The following SLC9A2 variants were observed in gnomAD, a reference collection of about 807,000 sequenced individuals.
SLC9A2 encodes sodium/hydrogen exchanger 2.
SLC9A2 carries 42 observed loss-of-function variants against 71.7 expected under a neutral mutation model. The ratio of observed to expected loss-of-function variants is 0.59; its 90% CI spans 0.46 to 0.76. The LOEUF (loss-of-function observed/expected upper bound fraction) is 0.76, where lower values mean the gene tolerates loss of function less well. SLC9A2 is among the 30% of genes least tolerant of loss of function. The probability of loss-of-function intolerance (pLI) is 0.00; values close to 1 mark genes in which losing one functional copy is unlikely to be tolerated. For missense variants in SLC9A2, 829 were observed against 1,017.4 expected (o/e 0.81, Z 2.52); for synonymous variants, 396 against 392.5 (o/e 1.01, Z -0.10).
intron 1 of SLC9A2, among the ~76,000 whole-genome samples, chr2:102,623,146 A>G (rs943487913): frequency 6.6e-6 from 1 of 152,118 alleles, no homozygotes; most frequent in South Asian, 2.1e-4. Flanking sequence ...GTGCTTGGCT[A>G]TGGAAATCAT....
At chr2:102,637,532 C>T (rs1301754560) in intron 1 of SLC9A2, among the ~76,000 whole-genome samples, 2 of 152,162 alleles carry the variant, frequency 1.3e-5, no homozygotes, top group Non-Finnish European at 2.9e-5. Context: ...GGGCATGAGT[C>T]AAATCCTGCG....
intron 6 of SLC9A2, 58 bp downstream of exon 6, chr2:102,694,561 CA>C: frequency 1.2e-6 from 1 of 824,906 alleles, no homozygotes; most frequent in Non-Finnish European, 1.9e-6. Context: ...TTGAATCAGT[CA>C]AACAGCTTGG....
At chr2:102,633,355 A>T (rs1176087237) in intron 1 of SLC9A2, among the ~76,000 whole-genome samples, 1 of 152,142 alleles carries the variant, frequency 6.6e-6, no homozygotes, top group African/African-American at 2.4e-5. Flanking sequence ...TCTCACGGGA[A>T]AGGATATTAA....
At chr2:102,691,752 G>A (rs572478435) in intron 5 of SLC9A2, among the ~76,000 whole-genome samples, 41 of 152,310 alleles carry the variant, frequency 2.7e-4, no homozygotes, top group South Asian at 1.0e-3. Context: ...GGGGTGGTAG[G>A]CCACACTTGC....
chr2:102,695,792 T>TATA (rs1558723255), intron 7 of SLC9A2, among the ~76,000 whole-genome samples: 4 of 39,878 alleles, frequency 1.0e-4, no homozygotes, highest in Non-Finnish European at 1.6e-4. Context: ...ATATATATTA[T>TATA]ATATATATTA....
intron 1 of SLC9A2, among the ~76,000 whole-genome samples, chr2:102,654,599 T>C (rs765148674): frequency 1.4e-4 from 22 of 152,346 alleles, no homozygotes; most frequent in Middle Eastern, 3.4e-3. Flanking sequence ...TCTTAAGGAT[T>C]TACTTACTAA....
intron 1 of SLC9A2, among the ~76,000 whole-genome samples, chr2:102,633,821 A>G (rs1358853425): frequency 1.3e-5 from 2 of 152,242 alleles, no homozygotes; most frequent in African/African-American, 4.8e-5. Flanking sequence ...TTCAACCCAT[A>G]TAACTTAAGC....
Position 102,654,409 on chromosome 2 carries a change from C to T in SLC9A2, c.290-3155C>T, listed in dbSNP as rs376139563. Among the ~76,000 whole-genome samples, 12 of 151,932 alleles carry T rather than the reference C, an allele frequency of 7.9e-5. No homozygotes were observed. In the South Asian group the frequency reaches 2.5e-3, roughly 32 times the overall value. On this transcript the variant is annotated intron_variant, in intron 1 of 11. Transcript: ENST00000233969. Reference sequence around the variant, plus strand: ...CTGCACCCATTGAATACATTTAGTCCCCACAAATTATTGGAGCCTTTTGTA... The same window carrying T: ...CTGCACCCATTGAATACATTTAGTCTCCACAAATTATTGGAGCCTTTTGTA...
At chr2:102,680,067 C>A (rs1390902902) in intron 3 of SLC9A2, among the ~76,000 whole-genome samples, 1 of 145,476 alleles carries the variant, frequency 6.9e-6, no homozygotes, top group Non-Finnish European at 1.6e-5. Context: ...ATAATAAAAC[C>A]CTTTTGAAGT....
At chr2:102,627,241 A>G (rs961570329) in intron 1 of SLC9A2, among the ~76,000 whole-genome samples, 2 of 152,168 alleles carry the variant, frequency 1.3e-5, no homozygotes, top group Non-Finnish European at 2.9e-5. Context: ...TGAGCTCAGG[A>G]GTTCAAAGTT....
At chr2:102,648,691 A>G (rs563172307) in intron 1 of SLC9A2, among the ~76,000 whole-genome samples, 7 of 152,128 alleles carry the variant, frequency 4.6e-5, no homozygotes, top group Non-Finnish European at 8.8e-5. Context: ...CTATACACCA[A>G]TAATAGACAG....
In SLC9A2 at chr2:102,682,779, G is replaced by C. The variant is rs540456355; in HGVS notation, c.1005-482G>C. Among the ~76,000 whole-genome samples the C allele has an allele frequency of 2.6e-5, 4 of 152,242 alleles. No individual in the cohort carries two copies. In the South Asian group the frequency reaches 8.3e-4, roughly 32 times the overall value. On this transcript the variant is annotated intron_variant, in intron 3 of 11. Coordinates refer to ENST00000233969, the MANE Select transcript of SLC9A2 (RefSeq NM_003048.6). ...GTTGTTGACCAATTATATGGCAGGG[G>C]GGCTACTAAGATGTGACAGGGAGAG...
rs1226663026 is a variant in SLC9A2, at chr2:102,709,474, G to A, written c.*985G>A. Reference sequence around the variant, plus strand: ...CTGTAGAGTGTTGTTTGAATTTTGAGCCTCCAGGTTAGAGGCTCCAAGCAG... The same window carrying A: ...CTGTAGAGTGTTGTTTGAATTTTGAACCTCCAGGTTAGAGGCTCCAAGCAG... On this transcript the variant is annotated 3_prime_UTR_variant, in exon 12 of 12. Coordinates refer to ENST00000233969, the MANE Select transcript of SLC9A2 (RefSeq NM_003048.6). 6.6e-6 allele frequency: 1 copy of A among 152,406 alleles called. No individual in the cohort carries two copies. Among genetic ancestry groups the A allele is most frequent in the Admixed American group, 6.5e-5 (1 of 15,268 alleles). 9.4% of individuals were successfully genotyped at this position (152,406 alleles called of 1,614,324 possible).
At chr2:102,699,163 G>A (rs1267578976) in intron 7 of SLC9A2, among the ~76,000 whole-genome samples, 1 of 152,194 alleles carries the variant, frequency 6.6e-6, no homozygotes, top group Non-Finnish European at 1.5e-5. Context: ...GGATGGATAG[G>A]AAGGGCACTT....
intron 2 of SLC9A2, 113 bp from the exon 3 acceptor site, chr2:102,664,987 G>T: frequency 9.2e-7 from 1 of 1,087,546 alleles, no homozygotes; most frequent in Non-Finnish European, 1.3e-6. Context: ...TTTCCTACTT[G>T]GGTACACAGA....
Position 102,705,916 on chromosome 2 carries a change from G to A in SLC9A2, c.2048G>A (p.Arg683Lys), listed in dbSNP as rs1677966644. ...NTKLPEKLQK[R>K]RTISIADGNS... Reference sequence around the variant, plus strand: ...AAGCTTCCAGAAAAGCTACAAAAGAGGAGGACTATTTCTATTGCAGGTAGT... The same window carrying A: ...AAGCTTCCAGAAAAGCTACAAAAGAAGAGGACTATTTCTATTGCAGGTAGT... Residue 683 changes from arginine to lysine, a missense_variant, in exon 11 of 12, where the codon AGG becomes AAG. By Grantham distance (26) the Arg-to-Lys change is conservative. Coordinates refer to ENST00000233969, the MANE Select transcript of SLC9A2 (RefSeq NM_003048.6). The A allele has an allele frequency of 6.2e-7, 1 of 1,602,794 alleles. No individual in the cohort carries two copies. Among genetic ancestry groups the A allele is most frequent in the Non-Finnish European group, 8.5e-7 (1 of 1,173,482 alleles).
intron 3 of SLC9A2, among the ~76,000 whole-genome samples, chr2:102,666,336 C>T (rs112779932): frequency 0.063 from 9,614 of 151,732 alleles, 607 homozygotes; most frequent in African/African-American, 0.16. Context: ...GCTGGGACTG[C>T]AGGCGCCCGC....
At chr2:102,661,956 A>T (rs1359691951) in intron 2 of SLC9A2, among the ~76,000 whole-genome samples, 1 of 152,234 alleles carries the variant, frequency 6.6e-6, no homozygotes, top group African/African-American at 2.4e-5. Context: ...TGAACTAAGT[A>T]TGTGGTTTCG....
In SLC9A2 at chr2:102,710,293, A is replaced by G. The variant is rs185991062; in HGVS notation, c.*1804A>G. On this transcript the variant is annotated 3_prime_UTR_variant, in exon 12 of 12. Coordinates refer to ENST00000233969, the MANE Select transcript of SLC9A2 (RefSeq NM_003048.6). ...ACTGACATAAAATTTTATGATAATA[A>G]CATGATTCAAGAAATGTGATGTAGA... The G allele has an allele frequency of 6.5e-6, 1 of 152,682 alleles. No homozygotes were observed. Among genetic ancestry groups the G allele is most frequent in the Admixed American group, 6.5e-5 (1 of 15,302 alleles). 9.5% of individuals were successfully genotyped at this position (152,682 alleles called of 1,614,324 possible). A position where few individuals can be genotyped will look rare whatever the true frequency, so the allele number is the denominator to read the frequency against.
Sources: gnomAD v4.1 joint callset for allele counts (sites outside exome capture counted in the v4.1 genomes callset) on GRCh38, gnomAD v4.1.1 for gene constraint, MANE v1.5 for transcripts, NCBI Gene and HGNC (gene_info 2026-07-23, HGNC 2026-07-21) for gene names.